The following PTP4A1 variants were observed in gnomAD, a reference collection of about 807,000 sequenced individuals.
PTP4A1 encodes the protein protein tyrosine phosphatase 4A1.
PTP4A1 carries 9 observed loss-of-function variants against 20.5 expected under a neutral mutation model. That is an observed-to-expected ratio of 0.44 (90% CI 0.26 to 0.77). PTP4A1 has a LOEUF of 0.77. PTP4A1 is among the 30% of genes least tolerant of loss of function. PTP4A1 has a pLI of 0.19. For missense variants in PTP4A1, 137 were observed against 218.8 expected (o/e 0.63, Z 2.36); for synonymous variants, 78 against 67.4 (o/e 1.16, Z -0.77).
At chr6:63,537,258 A>C (rs1775767018) in intron 2 of PTP4A1, among the ~76,000 whole-genome samples, 1 of 152,124 alleles carries the variant, frequency 6.6e-6, no homozygotes, top group Non-Finnish European at 1.5e-5. Context: ...GTCCCCTGGG[A>C]ATTGTTAGAA....
chr6:63,546,504 G>A (rs1312377917), intron 2 of PTP4A1, among the ~76,000 whole-genome samples: 2 of 152,148 alleles, frequency 1.3e-5, no homozygotes, highest in Admixed American at 6.5e-5. Flanking sequence ...CAAGGAGTTC[G>A]AGACCAGCCT....
intron 3 of PTP4A1, among the ~76,000 whole-genome samples, chr6:63,551,142 T>C (rs1028127352): frequency 2.6e-5 from 4 of 152,164 alleles, no homozygotes; most frequent in African/African-American, 9.6e-5. Context: ...CTCTGCTCAC[T>C]GCAACCTCTG....
intron 4 of PTP4A1, 58 bp downstream of exon 4, chr6:63,579,086 A>G: frequency 6.8e-7 from 1 of 1,475,514 alleles, no homozygotes; most frequent in East Asian, 2.5e-5. Context: ...GAAAATACAG[A>G]AACTTGAAAA....
intron 2 of PTP4A1, among the ~76,000 whole-genome samples, chr6:63,577,540 A>C (rs1777947098): frequency 2.0e-5 from 3 of 152,152 alleles, no homozygotes; most frequent in Admixed American, 6.5e-5. Context: ...TAGGCCTCTC[A>C]GAACATAATG....
chr6:63,537,811 C>T (rs557507638), intron 2 of PTP4A1, among the ~76,000 whole-genome samples: 9 of 152,284 alleles, frequency 5.9e-5, no homozygotes, highest in South Asian at 2.1e-4. Flanking sequence ...TATCCTAACC[C>T]GTAGGGCACA....
chr6:63,528,427 CTT>C (rs1298558548), intron 2 of PTP4A1, among the ~76,000 whole-genome samples: 6 of 144,616 alleles, frequency 4.1e-5, no homozygotes, highest in Non-Finnish European at 7.6e-5. Context: ...GAATCTCTGT[CTT>C]TTTTTTTTTT....
rs577083296 is a variant in PTP4A1, at chr6:63,556,321, GT to G, written c.-446+5839del. ...ATACAGGTGTATAACATCAAACTTG[GT>G]TTTTTTTTTTCTTGCCTTTTTCTTT... On this transcript the variant is annotated intron_variant, in intron 3 of 3. Coordinates refer to the PTP4A1 transcript ENST00000639568. Among the ~76,000 whole-genome samples, 764 of 145,868 alleles carry G rather than the reference GT, an allele frequency of 5.2e-3. 2 individuals are homozygous for G. Among genetic ancestry groups the G allele is most frequent in the Non-Finnish European group, 8.2e-3 (542 of 65,948 alleles).
chr6:63,566,690 T>C (rs781256903), intron 3 of PTP4A1, among the ~76,000 whole-genome samples: 10 of 152,330 alleles, frequency 6.6e-5, no homozygotes, highest in South Asian at 2.1e-4. Context: ...AGGGAGGTAG[T>C]TGCTGAAGGT....
intron 3 of PTP4A1, among the ~76,000 whole-genome samples, chr6:63,559,304 G>A (rs1260861844): frequency 1.3e-5 from 2 of 152,176 alleles, no homozygotes; most frequent in Non-Finnish European, 2.9e-5. Flanking sequence ...CTTAAGTGGA[G>A]TTATTTGGGG....
In PTP4A1 at chr6:63,572,517, G is replaced by GGCTCGGCTACGC. The variant is rs1433377785; in HGVS notation, c.-643_-632dup. ...GTATTGGCTCCTTCGGCTGCGGGCCGGCTCGGCTACGCGCTCTGCTCCGAG... is the reference window on the plus strand; with the variant it reads ...GTATTGGCTCCTTCGGCTGCGGGCCGGCTCGGCTACGCGCTCGGCTACGCGCTCTGCTCCGAG... On this transcript the variant is annotated 5_prime_UTR_variant, in exon 1 of 6. Transcript: ENST00000626021. 1 of 391,210 alleles carries GGCTCGGCTACGC rather than the reference G, an allele frequency of 2.6e-6. No individual in the cohort carries two copies. Among genetic ancestry groups the GGCTCGGCTACGC allele is most frequent in the African/African-American group, 2.1e-5 (1 of 48,174 alleles). 24.2% of individuals were successfully genotyped at this position (391,210 alleles called of 1,614,324 possible). A position where few individuals can be genotyped will look rare whatever the true frequency, so the allele number is the denominator to read the frequency against.
chr6:63,566,642 G>A (rs1367286162), intron 3 of PTP4A1, among the ~76,000 whole-genome samples: 4 of 152,188 alleles, frequency 2.6e-5, no homozygotes, highest in Non-Finnish European at 5.9e-5. Context: ...TTTGCTGTTG[G>A]AGAATCCTGC....
chr6:63,569,012 T>C (rs939401933), upstream of PTP4A1, among the ~76,000 whole-genome samples: 1 of 152,230 alleles, frequency 6.6e-6, no homozygotes, highest in Non-Finnish European at 1.5e-5. Context: ...TAATCTATTA[T>C]GGCAATGATA....
chr6:63,551,023 T>G (rs1236210662), intron 3 of PTP4A1, among the ~76,000 whole-genome samples: 1 of 151,830 alleles, frequency 6.6e-6, no homozygotes, highest in East Asian at 1.9e-4. Flanking sequence ...TGTTGATAGG[T>G]TTTTTTTATT....
At chr6:63,545,068 C>G (rs1776126104) in intron 2 of PTP4A1, among the ~76,000 whole-genome samples, 1 of 152,100 alleles carries the variant, frequency 6.6e-6, no homozygotes, top group Non-Finnish European at 1.5e-5. Context: ...CAACATGTAC[C>G]AATTGGCATT....
chr6:63,529,815 C>G (rs72880874), intron 2 of PTP4A1, among the ~76,000 whole-genome samples: 1 of 152,008 alleles, frequency 6.6e-6, no homozygotes, highest in Non-Finnish European at 1.5e-5. Flanking sequence ...TGGCAAAATA[C>G]GTGCGTAAGA....
At chr6:63,520,360 C>T (rs1774874854), upstream of PTP4A1, among the ~76,000 whole-genome samples, 1 of 152,166 alleles carries the variant, frequency 6.6e-6, no homozygotes, top group Admixed American at 6.6e-5. Context: ...GGTGTGGTGG[C>T]TCATGCCTGT....
At chr6:63,535,999 G>C (rs1315332459) in intron 2 of PTP4A1, among the ~76,000 whole-genome samples, 2 of 151,264 alleles carry the variant, frequency 1.3e-5, no homozygotes, top group African/African-American at 2.4e-5. Context: ...CCTGGAACTC[G>C]TGACATCAGG....
At chr6:63,534,557 A>G (rs1775620188) in intron 2 of PTP4A1, among the ~76,000 whole-genome samples, 2 of 152,066 alleles carry the variant, frequency 1.3e-5, no homozygotes, top group Non-Finnish European at 2.9e-5. Context: ...GCTCAAGTCT[A>G]TAATCGCAGC....
chr6:63,527,666 C>A (rs1554197522), intron 1 of PTP4A1, among the ~76,000 whole-genome samples: 1 of 152,128 alleles, frequency 6.6e-6, no homozygotes, highest in Non-Finnish European at 1.5e-5. Flanking sequence ...CTTAAGTAAC[C>A]ATGTCCAAGG....
Sources: gnomAD v4.1 joint callset for allele counts (sites outside exome capture counted in the v4.1 genomes callset) on GRCh38, gnomAD v4.1.1 for gene constraint, MANE v1.5 for transcripts, NCBI Gene and HGNC (gene_info 2026-07-23, HGNC 2026-07-21) for gene names.